The following CACNA2D3 variants were observed in gnomAD, a reference collection of about 807,000 sequenced individuals.
The protein encoded by CACNA2D3 is calcium voltage-gated channel auxiliary subunit alpha2delta 3, also known as voltage-dependent calcium channel subunit alpha-2/delta-3.
CACNA2D3 carries 60 observed loss-of-function variants against 160.6 expected under a neutral mutation model. That is an observed-to-expected ratio of 0.37 (90% confidence interval 0.30 to 0.46). The LOEUF (loss-of-function observed/expected upper bound fraction) is 0.46, where lower values mean the gene tolerates loss of function less well. Among genes scored for constraint, CACNA2D3 ranks in the 20% least tolerant of loss-of-function variants. The pLI is 1.00. For missense variants in CACNA2D3, 1,205 were observed against 1,365.0 expected (o/e 0.88, Z 1.85); for synonymous variants, 558 against 492.9 (o/e 1.13, Z -1.75).
chr3:54,808,690 T>G (rs1483007174), intron 13 of CACNA2D3, among the ~76,000 whole-genome samples: 3 of 152,172 alleles, frequency 2.0e-5, no homozygotes, highest in African/African-American at 7.2e-5. Flanking sequence ...GTGTTCTGGA[T>G]TTCTCACCTG....
At chr3:54,348,048 A>T (rs534757349) in intron 3 of CACNA2D3, among the ~76,000 whole-genome samples, 3 of 152,348 alleles carry the variant, frequency 2.0e-5, no homozygotes, top group African/African-American at 7.2e-5. Flanking sequence ...ATCTTCCTTA[A>T]AAAAAGAATT....
At chr3:54,763,849 A>ATATATGTACG (rs1559573915) in intron 12 of CACNA2D3, among the ~76,000 whole-genome samples, 2 of 34,098 alleles carry the variant, frequency 5.9e-5, no homozygotes, top group African/African-American at 1.8e-4. Flanking sequence ...ATATATGTAC[A>ATATATGTACG]TATATATACA....
chr3:54,705,041 T>C (rs1220302754), intron 11 of CACNA2D3, among the ~76,000 whole-genome samples: 4 of 152,142 alleles, frequency 2.6e-5, no homozygotes, highest in African/African-American at 9.7e-5. Context: ...GCCCAGCCCC[T>C]GCACTGTCAT....
intron 2 of CACNA2D3, among the ~76,000 whole-genome samples, chr3:54,251,944 G>A (rs559405423): frequency 1.4e-4 from 21 of 152,216 alleles, no homozygotes; most frequent in African/African-American, 5.1e-4. Flanking sequence ...CAGCTTGCCT[G>A]TTGAAATCTG....
At chr3:54,875,020 C>T (rs1437842327) in intron 18 of CACNA2D3, 6 of 152,114 alleles carry the variant, frequency 3.9e-5, no homozygotes, top group Non-Finnish European at 8.8e-5. Context: ...TCCCCTACTA[C>T]CCTCTAGGCA....
At chr3:55,013,783 G>A (rs1024992436) in intron 34 of CACNA2D3, among the ~76,000 whole-genome samples, 1 of 152,120 alleles carries the variant, frequency 6.6e-6, no homozygotes, top group Non-Finnish European at 1.5e-5. Context: ...GAACAGGGGT[G>A]CATTCACAGA....
intron 2 of CACNA2D3, among the ~76,000 whole-genome samples, chr3:54,213,423 C>T (rs142449496): frequency 6.6e-6 from 1 of 152,300 alleles, no homozygotes; most frequent in Non-Finnish European, 1.5e-5. Context: ...CGGGGAACAT[C>T]GATAATACAG....
intron 6 of CACNA2D3, 80 bp downstream of exon 6, chr3:54,563,011 T>A: frequency 7.3e-7 from 1 of 1,367,542 alleles, no homozygotes; most frequent in Non-Finnish European, 1.0e-6. Flanking sequence ...GGTTCAAGGT[T>A]AAAACTTTTC....
intron 11 of CACNA2D3, among the ~76,000 whole-genome samples, chr3:54,687,100 C>T (rs957061091): frequency 2.2e-4 from 25 of 113,252 alleles, no homozygotes; most frequent in African/African-American, 8.7e-4. Flanking sequence ...TTATTCAAAT[C>T]GGATTTTTCT....
At position 54,202,622 on chromosome 3, in the gene CACNA2D3, T is replaced by C. The variant is rs538390669; in HGVS notation, c.204+79028T>C. On this transcript the variant is annotated intron_variant, in intron 2 of 37. Coordinates refer to ENST00000474759, the MANE Select transcript of CACNA2D3 (RefSeq NM_018398.3). ...TTAATCAGGACACATATTTTAATTA[T>C]CCAGTTAATGCATGGATTCATTTTG... is the stretch of plus-strand genomic sequence containing the variant. Among the ~76,000 whole-genome samples, 7 of 152,354 alleles carry C rather than the reference T, an allele frequency of 4.6e-5. No individual in the cohort carries two copies. The South Asian group carries it at 1.4e-3, about 32-fold the overall frequency.
chr3:54,972,589 A>C (rs576957419), intron 29 of CACNA2D3, among the ~76,000 whole-genome samples: 5 of 152,290 alleles, frequency 3.3e-5, no homozygotes, highest in African/African-American at 9.6e-5. Flanking sequence ...GACCTGGCCC[A>C]ACTCCCTCGG....
intron 4 of CACNA2D3, among the ~76,000 whole-genome samples, chr3:54,410,291 A>G (rs1699644941): frequency 6.6e-6 from 1 of 151,936 alleles, no homozygotes; most frequent in Non-Finnish European, 1.5e-5. Context: ...GAGGTGGAGG[A>G]TGCAGTGCGC....
At chr3:54,322,465 GTTA>G (rs1242283033) in intron 3 of CACNA2D3, among the ~76,000 whole-genome samples, 2 of 152,218 alleles carry the variant, frequency 1.3e-5, no homozygotes, top group East Asian at 1.9e-4. Context: ...GTGAGACACT[GTTA>G]TTATTGTTGT....
chr3:54,342,527 C>T (rs758079131), intron 3 of CACNA2D3, among the ~76,000 whole-genome samples: 5 of 151,996 alleles, frequency 3.3e-5, no homozygotes, highest in African/African-American at 7.3e-5. Flanking sequence ...TAGATCATCC[C>T]GGGTACAGTG....
chr3:54,825,483 G>A (rs1008097192), intron 14 of CACNA2D3, among the ~76,000 whole-genome samples: 1 of 152,150 alleles, frequency 6.6e-6, no homozygotes, highest in East Asian at 1.9e-4. Context: ...AATGAGTTGG[G>A]TTTTCATTTT....
intron 4 of CACNA2D3, among the ~76,000 whole-genome samples, chr3:54,405,842 C>G (rs1699565281): frequency 1.0e-5 from 1 of 96,616 alleles, no homozygotes; most frequent in Non-Finnish European, 2.2e-5. Context: ...AGAACTCATA[C>G]AACTCAATAG....
intron 2 of CACNA2D3, among the ~76,000 whole-genome samples, chr3:54,173,023 G>C (rs1700606717): frequency 6.6e-6 from 1 of 152,164 alleles, no homozygotes; most frequent in African/African-American, 2.4e-5. Flanking sequence ...GGGCACTAAA[G>C]GAACTGGGAC....
intron 14 of CACNA2D3, among the ~76,000 whole-genome samples, chr3:54,826,084 T>G (rs777726077): frequency 2.6e-5 from 4 of 152,240 alleles, no homozygotes; most frequent in Non-Finnish European, 4.4e-5. Context: ...AAATTAATTA[T>G]TTTAAAGAAG....
intron 27 of CACNA2D3, among the ~76,000 whole-genome samples, chr3:54,932,804 T>C (rs1701224181): frequency 6.6e-6 from 1 of 152,212 alleles, no homozygotes; most frequent in Non-Finnish European, 1.5e-5. Context: ...GGTATGGCGA[T>C]CTAATGCCAG....
Sources: gnomAD v4.1 joint callset for allele counts (sites outside exome capture counted in the v4.1 genomes callset) on GRCh38, gnomAD v4.1.1 for gene constraint, MANE v1.5 for transcripts, NCBI Gene and HGNC (gene_info 2026-07-23, HGNC 2026-07-21) for gene names.